PHACTR1: variants seen among roughly 807,000 people sequenced by gnomAD.
PHACTR1 encodes the protein RPEL repeat containing 1.
In PHACTR1, 16 loss-of-function variants were observed where a neutral mutation model predicts 69.2. That is an observed-to-expected ratio of 0.23 (90% CI 0.16 to 0.35). PHACTR1 has a LOEUF of 0.35. PHACTR1 is among the 10% of genes least tolerant of loss of function. PHACTR1 has a pLI of 1.00. For synonymous variants in PHACTR1, 312 were observed against 284.5 expected, an observed-to-expected ratio of 1.10 and a Z score of -0.97; for missense variants, 510 against 734.7, an observed-to-expected ratio of 0.69 and a Z score of 3.54.
At chr6:12,746,887 G>T (rs1434283440) in intron 3 of PHACTR1, among the ~76,000 whole-genome samples, 1 of 152,284 alleles carries the variant, frequency 6.6e-6, no homozygotes, top group South Asian at 2.1e-4. Context: ...CAATCAAATA[G>T]ATTGCATTAA....
chr6:12,962,529 G>A (rs1792886046), intron 4 of PHACTR1, among the ~76,000 whole-genome samples: 2 of 152,178 alleles, frequency 1.3e-5, no homozygotes, highest in South Asian at 2.1e-4. Context: ...CTGCTGTGAG[G>A]AGACTCCAGG....
intron 4 of PHACTR1, among the ~76,000 whole-genome samples, chr6:12,823,882 A>C (rs1424015512): frequency 6.6e-6 from 1 of 152,150 alleles, no homozygotes; most frequent in Non-Finnish European, 1.5e-5. Context: ...TTGGGGTGTG[A>C]CCACATATTG....
chr6:13,279,174 G>A (rs936041813), intron 12 of PHACTR1: 1 of 152,076 alleles, frequency 6.6e-6, no homozygotes, highest in Non-Finnish European at 1.5e-5. Context: ...CATAAAACTG[G>A]AATTTTAATA....
intron 4 of PHACTR1, among the ~76,000 whole-genome samples, chr6:13,038,460 G>A (rs1337995664): frequency 6.8e-6 from 1 of 147,186 alleles, no homozygotes. Flanking sequence ...CTGGGGATCA[G>A]CTACTTTTGC....
chr6:13,204,428 GCTGTTCCAGA>G (rs879636058), intron 7 of PHACTR1, among the ~76,000 whole-genome samples: 2 of 151,904 alleles, frequency 1.3e-5, no homozygotes, highest in Non-Finnish European at 2.9e-5. Flanking sequence ...TCCCTGCTGT[GCTGTTCCAGA>G]CCATGCTTCT....
At chr6:13,268,824 G>C (rs1777188374) in intron 10 of PHACTR1, among the ~76,000 whole-genome samples, 1 of 152,210 alleles carries the variant, frequency 6.6e-6, no homozygotes, top group Non-Finnish European at 1.5e-5. Flanking sequence ...GCATGTTATA[G>C]CTATGATTAG....
intron 5 of PHACTR1, among the ~76,000 whole-genome samples, chr6:13,099,350 T>C (rs933441307): frequency 5.3e-5 from 8 of 152,230 alleles, no homozygotes; most frequent in Admixed American, 3.9e-4. Flanking sequence ...GTCTGTTGAG[T>C]CTTACACATT....
At chr6:13,050,086 T>G (rs1805685832) in intron 4 of PHACTR1, among the ~76,000 whole-genome samples, 1 of 152,222 alleles carries the variant, frequency 6.6e-6, no homozygotes, top group Non-Finnish European at 1.5e-5. Flanking sequence ...ACTCAGCACC[T>G]CTTTGCTGTG....
chr6:13,205,947 G>A lies in PHACTR1; in HGVS notation c.797G>A (p.Ser266Asn). 2 of 1,614,054 alleles carry A rather than the reference G, an allele frequency of 1.2e-6. No homozygotes were observed. The highest frequency in any genetic ancestry group is 1.7e-6 in the Non-Finnish European group (2 of 1,179,902). ...LSLVSYTAQK[S>N]GQQGVAQHHH... ...CTGGTGTCCTACACAGCCCAGAAGA[G>A]TGGCCAGCAGGGTGTGGCCCAGCAC... Residue 266 changes from serine (S) to asparagine (N), a missense_variant, in exon 8 of 15, where the codon AGT becomes AAT. Around this residue, in one of 2 missense-constraint regions of PHACTR1, gnomAD observed 419 missense variants for 530.9 expected, o/e 0.79. Transcript: ENST00000332995.
At chr6:12,766,486 G>A (rs1312413819) in intron 4 of PHACTR1, among the ~76,000 whole-genome samples, 1 of 152,170 alleles carries the variant, frequency 6.6e-6, no homozygotes, top group East Asian at 1.9e-4. Flanking sequence ...CCAGGGGTAT[G>A]TTGGGCTGAC....
At chr6:13,041,339 T>TACACACACACACACACACACAC (rs368368056) in intron 4 of PHACTR1, among the ~76,000 whole-genome samples, 4 of 135,366 alleles carry the variant, frequency 3.0e-5, no homozygotes, top group African/African-American at 5.5e-5. Context: ...TTAAAATACA[T>TACACACACACACACACACACAC]ACACACACAC....
intron 4 of PHACTR1, among the ~76,000 whole-genome samples, chr6:12,784,564 CAT>C (rs1297261377): frequency 6.6e-6 from 1 of 151,192 alleles, no homozygotes; most frequent in Non-Finnish European, 1.5e-5. Context: ...TATCTATACA[CAT>C]ATACATGATA....
chr6:13,261,297 G>A (rs1775876585), intron 10 of PHACTR1, among the ~76,000 whole-genome samples: 1 of 152,134 alleles, frequency 6.6e-6, no homozygotes, highest in Non-Finnish European at 1.5e-5. Context: ...TATTTCTAAT[G>A]GAGAATACAG....
intron 4 of PHACTR1, among the ~76,000 whole-genome samples, chr6:12,808,928 A>G (rs1774692280): frequency 6.6e-6 from 1 of 150,476 alleles, no homozygotes; most frequent in South Asian, 2.1e-4. Context: ...CCCAGGCTGG[A>G]GTGCAGTGGT....
chr6:12,852,081 C>T (rs1461621451), intron 4 of PHACTR1, among the ~76,000 whole-genome samples: 1 of 152,192 alleles, frequency 6.6e-6, no homozygotes, highest in African/African-American at 2.4e-5. Flanking sequence ...GGGATTCCCC[C>T]TCCTTGGCCT....
chr6:13,047,063 G>A (rs1805173226), intron 4 of PHACTR1, among the ~76,000 whole-genome samples: 1 of 152,072 alleles, frequency 6.6e-6, no homozygotes, highest in Admixed American at 6.6e-5. Context: ...CACCTGTGTG[G>A]CGTCATTTTG....
intron 4 of PHACTR1, among the ~76,000 whole-genome samples, chr6:13,041,371 C>CACAG (rs1249726243): frequency 6.6e-6 from 1 of 151,460 alleles, no homozygotes; most frequent in Non-Finnish European, 1.5e-5. Context: ...CACACACACA[C>CACAG]ACACACACAG....
chr6:13,021,801 T>G (rs1276788857), intron 4 of PHACTR1, among the ~76,000 whole-genome samples: 2 of 152,254 alleles, frequency 1.3e-5, no homozygotes, highest in Admixed American at 1.3e-4. Flanking sequence ...CTCAGTCCAC[T>G]TAAGAAAACT....
chr6:12,932,132 C>T (rs1352860616), intron 4 of PHACTR1, among the ~76,000 whole-genome samples: 5 of 152,150 alleles, frequency 3.3e-5, no homozygotes, highest in South Asian at 2.1e-4. Context: ...CCACAACTCT[C>T]GACAGTGACT....
Sources: gnomAD v4.1 joint callset for allele counts (sites outside exome capture counted in the v4.1 genomes callset) on GRCh38, gnomAD v4.1.1 for gene constraint, gnomAD v4.1.1 regional missense constraint, MANE v1.5 for transcripts, NCBI Gene and HGNC (gene_info 2026-07-23, HGNC 2026-07-21) for gene names.